Variants in MGAT5 observed in about 807,000 individuals in gnomAD.
MGAT5 encodes the protein alpha-1,6-mannosylglycoprotein 6-beta-N-acetylglucosaminyltransferase.
MGAT5 carries 30 observed loss-of-function variants against 94.3 expected under a neutral mutation model. The observed-to-expected ratio is 0.32, with a 90% CI of 0.24 to 0.43. The LOEUF is 0.43. MGAT5 is among the 20% of genes least tolerant of loss of function. MGAT5 has a pLI of 1.00. For synonymous variants in MGAT5, 310 were observed against 322.9 expected (o/e 0.96, Z 0.43); for missense variants, 691 against 905.5 (o/e 0.76, Z 3.04).
intron 9 of MGAT5, among the ~76,000 whole-genome samples, chr2:134,355,515 T>C (rs1389373632): frequency 6.6e-6 from 1 of 152,224 alleles, no homozygotes; most frequent in Non-Finnish European, 1.5e-5. Flanking sequence ...TTGGCTTATA[T>C]TTACGTATTA....
At chr2:134,441,088 T>C (rs1348201422) in intron 14 of MGAT5, among the ~76,000 whole-genome samples, 1 of 152,220 alleles carries the variant, frequency 6.6e-6, no homozygotes, top group East Asian at 1.9e-4. Context: ...TCGCTTAACG[T>C]TGCAGTTTCT....
intron 12 of MGAT5, among the ~76,000 whole-genome samples, chr2:134,420,468 A>G (rs1278267356): frequency 6.6e-6 from 1 of 152,226 alleles, no homozygotes; most frequent in African/African-American, 2.4e-5. Context: ...GATAACCTGC[A>G]GTCAGCAGAG....
intron 1 of MGAT5, among the ~76,000 whole-genome samples, chr2:134,147,875 A>G (rs1686996789): frequency 6.6e-6 from 1 of 152,234 alleles, no homozygotes; most frequent in East Asian, 1.9e-4. Context: ...CATTGTGAAT[A>G]TAGGGAACAA....
At chr2:134,283,704 G>A (rs1357697486) in intron 2 of MGAT5, among the ~76,000 whole-genome samples, 1 of 144,066 alleles carries the variant, frequency 6.9e-6, no homozygotes, top group East Asian at 2.0e-4. Context: ...GGAGAATGTG[G>A]GTGTGTGGCT....
chr2:134,277,310 C>G (rs1404134873), intron 2 of MGAT5, among the ~76,000 whole-genome samples: 1 of 152,068 alleles, frequency 6.6e-6, no homozygotes, highest in Non-Finnish European at 1.5e-5. Context: ...AAGATACTAC[C>G]TGAGACTGGG....
rs77822015 is a variant in MGAT5, at chr2:134,379,029, G to A, written c.1380+16621G>A. Among the ~76,000 whole-genome samples, 455 of 152,272 alleles carry A rather than the reference G, an allele frequency of 3.0e-3. 7 individuals are homozygous for A. The highest frequency in any genetic ancestry group is 0.01 in the African/African-American group (419 of 41,570). ...CCGGCTTTCAGTGGGTGATGGGACT[G>A]GATAATTTGAGTCCTTTCTACTCTA... On this transcript the variant is annotated intron_variant, in intron 10 of 15. Transcript: ENST00000281923.
chr2:134,243,893 A>G (rs1682097660), intron 1 of MGAT5, among the ~76,000 whole-genome samples: 1 of 152,274 alleles, frequency 6.6e-6, no homozygotes. Context: ...GGGCTTAGGA[A>G]GCATTTGGAA....
intron 1 of MGAT5, among the ~76,000 whole-genome samples, chr2:134,202,444 G>A (rs1260238055): frequency 6.6e-6 from 1 of 152,224 alleles, no homozygotes; most frequent in African/African-American, 2.4e-5. Context: ...ATTTGTTGGC[G>A]CCTTGATCTT....
chr2:134,243,932 C>A (rs1262244776), intron 1 of MGAT5, among the ~76,000 whole-genome samples: 1 of 152,078 alleles, frequency 6.6e-6, no homozygotes, highest in Non-Finnish European at 1.5e-5. Flanking sequence ...AAGGCATTAC[C>A]CATATTTTTG....
chr2:134,242,427 A>C (rs1349567663), intron 1 of MGAT5, among the ~76,000 whole-genome samples: 2 of 152,222 alleles, frequency 1.3e-5, no homozygotes, highest in Non-Finnish European at 2.9e-5. Flanking sequence ...TGTCAGTAGG[A>C]TGTACATCCA....
chr2:134,443,099 C>A (rs1264518957), intron 15 of MGAT5, among the ~76,000 whole-genome samples: 1 of 152,272 alleles, frequency 6.6e-6, no homozygotes, highest in Non-Finnish European at 1.5e-5. Flanking sequence ...TGGTATAAAA[C>A]CCTTCGTAGG....
chr2:134,265,831 A>C (rs1683676543), intron 1 of MGAT5, among the ~76,000 whole-genome samples: 1 of 152,236 alleles, frequency 6.6e-6, no homozygotes. Context: ...AACTATAGAA[A>C]TTATTTGTAC....
chr2:134,213,424 G>A, intron 1 of MGAT5, among the ~76,000 whole-genome samples: 1 of 151,482 alleles, frequency 6.6e-6, no homozygotes, highest in Admixed American at 6.6e-5. Flanking sequence ...ACCAAATGTG[G>A]GTGTTTTTTT....
At chr2:134,317,736 A>C in intron 3 of MGAT5, 131 bp downstream of exon 3, 1 of 536,490 alleles carries the variant, frequency 1.9e-6, no homozygotes, top group Non-Finnish European at 3.1e-6. Flanking sequence ...GGGTGCCTCC[A>C]TCCTGCCGGC....
rs114590314 is a variant in MGAT5 at position 134,294,310 on chromosome 2, T to C, written c.407-23219T>C. On this transcript the variant is annotated intron_variant, in intron 2 of 15. Transcript: ENST00000281923. ...TTCAGTGTTTTTATTTTTATTTTCA[T>C]GTTTCCAAGTCTTAATATAAGGTCT... Among the ~76,000 whole-genome samples the C allele has an allele frequency of 7.2e-3, 1,092 of 152,314 alleles. 12 individuals carry two copies. The highest frequency in any genetic ancestry group is 0.015 in the Admixed American group (232 of 15,286).
At chr2:134,289,593 G>T (rs1236488603) in intron 2 of MGAT5, among the ~76,000 whole-genome samples, 1 of 152,228 alleles carries the variant, frequency 6.6e-6, no homozygotes, top group African/African-American at 2.4e-5. Flanking sequence ...TAGCATCTGA[G>T]AATTTGGATC....
At chr2:134,355,688 T>C (rs1679688905) in intron 9 of MGAT5, among the ~76,000 whole-genome samples, 1 of 152,234 alleles carries the variant, frequency 6.6e-6, no homozygotes, top group Admixed American at 6.5e-5. Context: ...AAGAGAAAGC[T>C]CTAAAATTGA....
chr2:134,398,097 C>A (rs1682821307), intron 10 of MGAT5, among the ~76,000 whole-genome samples: 1 of 152,092 alleles, frequency 6.6e-6, no homozygotes, highest in African/African-American at 2.4e-5. Flanking sequence ...ATTCTTGGGA[C>A]CAGAAGTGTT....
chr2:134,372,424 C>T (rs1047911518), intron 10 of MGAT5, among the ~76,000 whole-genome samples: 8 of 152,182 alleles, frequency 5.3e-5, no homozygotes, highest in African/African-American at 1.9e-4. Context: ...TATCTTTTAA[C>T]CCAGGAATGC....
Sources: gnomAD v4.1 joint callset for allele counts (sites outside exome capture counted in the v4.1 genomes callset) on GRCh38, gnomAD v4.1.1 for gene constraint, MANE v1.5 for transcripts, NCBI Gene and HGNC (gene_info 2026-07-23, HGNC 2026-07-21) for gene names.